The following SCG5 variants were observed in gnomAD, a reference collection of about 807,000 sequenced individuals.
SCG5 encodes secretogranin V.
Under a neutral mutation model 25.7 loss-of-function variants are expected in SCG5, and 18 were observed. The ratio of observed to expected loss-of-function variants is 0.70; its 90% CI spans 0.48 to 1.04. SCG5 has a LOEUF of 1.04. SCG5 is among the 50% of genes least tolerant of loss of function. The pLI, the probability that SCG5 is intolerant of heterozygous loss-of-function variation, is 0.00. For missense variants in SCG5, 206 were observed against 259.8 expected, an observed-to-expected ratio of 0.79 and a Z score of 1.42; for synonymous variants, 101 against 91.7, an observed-to-expected ratio of 1.10 and a Z score of -0.58.
chr15:32,664,827 G>A (rs868420841), intron 2 of SCG5, among the ~76,000 whole-genome samples: 2 of 152,274 alleles, frequency 1.3e-5, no homozygotes, highest in South Asian at 2.1e-4. Context: ...TTATCTGTAA[G>A]GAATACAGAA....
intron 2 of SCG5, among the ~76,000 whole-genome samples, chr15:32,644,460 G>A (rs2053912608): frequency 1.3e-5 from 2 of 152,134 alleles, no homozygotes; most frequent in Admixed American, 1.3e-4. Context: ...GTTTTAAGGT[G>A]GCAAGACCAT....
At chr15:32,694,091 T>C (rs1050299039) in intron 5 of SCG5, among the ~76,000 whole-genome samples, 4 of 152,104 alleles carry the variant, frequency 2.6e-5, no homozygotes, top group African/African-American at 7.2e-5. Flanking sequence ...GCCTGGGTAA[T>C]GGAGTGAGAC....
At chr15:32,651,728 C>G (rs1412488171) in intron 2 of SCG5, among the ~76,000 whole-genome samples, 2 of 152,170 alleles carry the variant, frequency 1.3e-5, no homozygotes, top group East Asian at 3.9e-4. Context: ...CAGTTTTTCT[C>G]TGTTGAGCAA....
chr15:32,664,486 C>T (rs999711473), intron 2 of SCG5, among the ~76,000 whole-genome samples: 2 of 152,134 alleles, frequency 1.3e-5, no homozygotes, highest in Non-Finnish European at 2.9e-5. Context: ...TCCAAGATGG[C>T]GTTTGTATAC....
In SCG5 at chr15:32,678,915, T is replaced by C. The variant is rs528772643; in HGVS notation, c.227-851T>C. ...TAAATAGAAATGAATATATACTTAG[T>C]ATAAAAAGATACGTAGCAACAATTG... On this transcript the variant is annotated intron_variant, in intron 2 of 5. Coordinates refer to ENST00000300175, the MANE Select transcript of SCG5 (RefSeq NM_001144757.3). 2.6e-5 allele frequency among the ~76,000 whole-genome samples: 4 copies of C among 152,322 alleles called. No homozygotes were observed. The South Asian group carries it at 8.3e-4, about 32-fold the overall frequency.
At chr15:32,665,547 A>G (rs1397736447) in intron 2 of SCG5, among the ~76,000 whole-genome samples, 1 of 152,198 alleles carries the variant, frequency 6.6e-6, no homozygotes, top group Non-Finnish European at 1.5e-5. Context: ...AGCTGTGAAT[A>G]AGTCATAAGT....
At chr15:32,663,883 C>T (rs1043972409) in intron 2 of SCG5, among the ~76,000 whole-genome samples, 2 of 152,192 alleles carry the variant, frequency 1.3e-5, no homozygotes, top group African/African-American at 4.8e-5. Flanking sequence ...TACACTGCAA[C>T]GCTGGTTTAT....
chr15:32,670,889 A>G (rs1282186185), intron 2 of SCG5, among the ~76,000 whole-genome samples: 1 of 152,270 alleles, frequency 6.6e-6, no homozygotes, highest in Admixed American at 6.5e-5. Context: ...ACACAGGACC[A>G]TGATCACCAC....
At chr15:32,672,777 C>T (rs2054455460) in intron 2 of SCG5, among the ~76,000 whole-genome samples, 1 of 152,056 alleles carries the variant, frequency 6.6e-6, no homozygotes, top group South Asian at 2.1e-4. Flanking sequence ...TGCTGAGTGG[C>T]TTTAGGCAAG....
At chr15:32,672,587 TGA>T (rs2140553814) in intron 2 of SCG5, among the ~76,000 whole-genome samples, 1 of 152,104 alleles carries the variant, frequency 6.6e-6, no homozygotes, top group African/African-American at 2.4e-5. Flanking sequence ...CTGGAAACTA[TGA>T]GAGACCCCAG....
chr15:32,662,280 G>A (rs965376542), intron 2 of SCG5, among the ~76,000 whole-genome samples: 1 of 152,138 alleles, frequency 6.6e-6, no homozygotes, highest in Admixed American at 6.5e-5. Context: ...CCTACATACT[G>A]TCAGGTTGCT....
chr15:32,655,124 C>T (rs529778603), intron 2 of SCG5, among the ~76,000 whole-genome samples: 16 of 152,184 alleles, frequency 1.1e-4, no homozygotes, highest in African/African-American at 3.4e-4. Flanking sequence ...CTGGCTAACA[C>T]GGTGAAACCC....
chr15:32,693,285 AG>A (rs2054895166), intron 5 of SCG5, among the ~76,000 whole-genome samples: 1 of 152,216 alleles, frequency 6.6e-6, no homozygotes, highest in African/African-American at 2.4e-5. Context: ...CCGTGAGACT[AG>A]TGATTACCAA....
At chr15:32,670,459 G>A (rs887433386) in intron 2 of SCG5, among the ~76,000 whole-genome samples, 1 of 152,256 alleles carries the variant, frequency 6.6e-6, no homozygotes, top group South Asian at 2.1e-4. Context: ...ACCAAATGCT[G>A]TGTGCTTTGG....
At chr15:32,669,524 A>G (rs541976205) in intron 2 of SCG5, among the ~76,000 whole-genome samples, 1 of 152,320 alleles carries the variant, frequency 6.6e-6, no homozygotes, top group Non-Finnish European at 1.5e-5. Flanking sequence ...ATTATAAAAT[A>G]AAGTTTTTAA....
chr15:32,657,220 T>TATATATATATATATATATATATATATCTA (rs71113464), intron 2 of SCG5, among the ~76,000 whole-genome samples: 1 of 106,512 alleles, frequency 9.4e-6, no homozygotes, highest in Non-Finnish European at 2.1e-5. Flanking sequence ...TATGTATGTA[T>TATATATATATATATATATATATATATCTA]TTCCAGGTGT....
At chr15:32,675,244 AGTGAAAGATCCTATCTTTATTAAT>A (rs1454951259) in intron 2 of SCG5, among the ~76,000 whole-genome samples, 1 of 152,230 alleles carries the variant, frequency 6.6e-6, no homozygotes, top group Non-Finnish European at 1.5e-5. Context: ...CAAAGCTGTA[AGTGAAAGATCCTATCTTTATTAAT>A]GGTATTCTTT....
At chr15:32,648,495 C>T (rs2053980950) in intron 2 of SCG5, among the ~76,000 whole-genome samples, 1 of 152,064 alleles carries the variant, frequency 6.6e-6, no homozygotes, top group African/African-American at 2.4e-5. Context: ...GGTGGCTTCC[C>T]ATCGTACCCT....
chr15:32,643,731 G>GT lies in SCG5; in HGVS notation c.141dup (p.Met48TyrfsTer28). ...AGATATCCAGAGGCTGCTTCATGGT[G>GT]TTATGGAGCAATTGGGCATTGCCAG... On this transcript the variant is annotated frameshift_variant, in exon 2 of 6. Coordinates refer to ENST00000300175, the MANE Select transcript of SCG5 (RefSeq NM_001144757.3). LOFTEE classifies it high-confidence loss of function. 6.2e-7 allele frequency: 1 copy of GT among 1,613,918 alleles called. No individual in the cohort carries two copies. Among genetic ancestry groups the GT allele is most frequent in the Non-Finnish European group, 8.5e-7 (1 of 1,179,860 alleles).
Sources: gnomAD v4.1 joint callset for allele counts (sites outside exome capture counted in the v4.1 genomes callset) on GRCh38, gnomAD v4.1.1 for gene constraint, MANE v1.5 for transcripts, NCBI Gene and HGNC (gene_info 2026-07-23, HGNC 2026-07-21) for gene names.